ARID1B: variants seen among roughly 807,000 people sequenced by gnomAD.
ARID1B encodes AT-rich interactive domain-containing protein 1B.
In ARID1B, 30 loss-of-function variants were observed where a neutral mutation model predicts 212.3. The observed-to-expected ratio is 0.14, with a 90% confidence interval of 0.11 to 0.19. The LOEUF is 0.19. Ranked by LOEUF, ARID1B falls within the 10% of genes least tolerant of loss-of-function variation. The pLI is 1.00. For synonymous variants in ARID1B, 1,402 were observed against 1,301.7 expected (o/e 1.08, Z -1.66); for missense variants, 2,891 against 3,204.0 (o/e 0.90, Z 2.36).
At chr6:157,020,409 T>C (rs1780152131) in intron 4 of ARID1B, among the ~76,000 whole-genome samples, 1 of 152,204 alleles carries the variant, frequency 6.6e-6, no homozygotes, top group African/African-American at 2.4e-5. Flanking sequence ...TGCGATAATA[T>C]ATAACTACAT....
At chr6:156,974,741 C>T (rs1160455915) in intron 4 of ARID1B, among the ~76,000 whole-genome samples, 1 of 152,178 alleles carries the variant, frequency 6.6e-6, no homozygotes, top group African/African-American at 2.4e-5. Context: ...TTAGCTGCTA[C>T]TAAAATATAT....
intron 6 of ARID1B, among the ~76,000 whole-genome samples, chr6:157,123,198 GTC>G (rs377283771): frequency 2.8e-4 from 41 of 146,704 alleles, no homozygotes; most frequent in South Asian, 6.9e-4. Context: ...CTCTGTCTCT[GTC>G]TCTCTCTCAA....
intron 2 of ARID1B, among the ~76,000 whole-genome samples, chr6:156,859,717 G>C (rs971884147): frequency 6.6e-6 from 1 of 152,176 alleles, no homozygotes; most frequent in African/African-American, 2.4e-5. Context: ...GCAAAACATG[G>C]TTTTTTGCAT....
At chr6:156,880,423 T>C (rs893492676) in intron 2 of ARID1B, among the ~76,000 whole-genome samples, 2 of 152,178 alleles carry the variant, frequency 1.3e-5, no homozygotes, top group Admixed American at 6.5e-5. Context: ...TTTAGATTTA[T>C]TGTGTAAGTT....
chr6:156,842,820 G>A lies in ARID1B; in HGVS notation c.1986+13399G>A, dbSNP rs144378365. Among the ~76,000 whole-genome samples the A allele has an allele frequency of 1.2e-4, 18 of 152,188 alleles. No individual in the cohort carries two copies. The East Asian group carries it at 2.1e-3, about 18-fold the overall frequency. On this transcript the variant is annotated intron_variant, in intron 2 of 19. Transcript: ENST00000636930. ...TCATATATCATTTCCTATAATTCTC[G>A]CCAAATCCATGAGGTAAGTAATACT...
chr6:156,928,039 C>CTT (rs1428785137), intron 3 of ARID1B, among the ~76,000 whole-genome samples: 1 of 152,132 alleles, frequency 6.6e-6, no homozygotes, highest in Non-Finnish European at 1.5e-5. Flanking sequence ...AGGGCATCCA[C>CTT]TTGGACTGGC....
chr6:157,025,193 T>C (rs138523442), intron 4 of ARID1B, among the ~76,000 whole-genome samples: 6 of 152,310 alleles, frequency 3.9e-5, no homozygotes, highest in African/African-American at 1.4e-4. Context: ...AATTATCAAA[T>C]GTAAAATTTA....
At position 156,901,429 on chromosome 6, in the gene ARID1B, A is replaced by G; in HGVS notation, c.2040A>G (p.Gln680=). ...TGAGTGGTTACTGCCAGCAGGGCCA[A>G]CAGCCATATTACAGCCAGCAGCCGC... ...QGVSGYCQQG[Q]QPYYSQQPQP... is the part of the protein sequence containing the mutation. Residue 680 remains glutamine (Q), a synonymous_variant, in exon 3 of 20, where the codon CAA becomes CAG. Transcript: ENST00000636930. 1 of 1,613,868 alleles carries G rather than the reference A, an allele frequency of 6.2e-7. No individual in the cohort carries two copies. Among genetic ancestry groups the G allele is most frequent in the Non-Finnish European group, 8.5e-7 (1 of 1,179,942 alleles).
intron 2 of ARID1B, among the ~76,000 whole-genome samples, chr6:156,842,280 C>A (rs561844252): frequency 6.6e-6 from 1 of 152,142 alleles, no homozygotes; most frequent in Non-Finnish European, 1.5e-5. Flanking sequence ...CTCTGTTGTC[C>A]CTCTTCCCCC....
intron 5 of ARID1B, among the ~76,000 whole-genome samples, chr6:157,104,115 G>A (rs917133625): frequency 3.9e-5 from 6 of 151,900 alleles, no homozygotes; most frequent in African/African-American, 1.2e-4. Context: ...GATTATAGGC[G>A]TAAGCCACCA....
intron 2 of ARID1B, among the ~76,000 whole-genome samples, chr6:156,835,004 G>A (rs1783403521): frequency 6.9e-6 from 1 of 145,546 alleles, no homozygotes; most frequent in Non-Finnish European, 1.5e-5. Flanking sequence ...GGAGGCTGAG[G>A]TGGGCGGACC....
At chr6:156,990,645 G>A (rs903826808) in intron 4 of ARID1B, among the ~76,000 whole-genome samples, 2 of 151,758 alleles carry the variant, frequency 1.3e-5, no homozygotes, top group African/African-American at 2.4e-5. Context: ...GTCTCAAAAC[G>A]AACAAACAAA....
rs140146116 is a variant in ARID1B at position 157,202,850 on chromosome 6, T to C, written c.5264-1016T>C. ...CACAGACACTGAGCACCATTTTATATATAGAAATATATACACACACACACA... is the reference window on the plus strand; with the variant it reads ...CACAGACACTGAGCACCATTTTATACATAGAAATATATACACACACACACA... On this transcript the variant is annotated intron_variant, in intron 18 of 19. Transcript: ENST00000636930. Among the ~76,000 whole-genome samples the C allele has an allele frequency of 7.1e-3, 1,074 of 151,036 alleles. 15 individuals are homozygous for C. Among genetic ancestry groups the C allele is most frequent in the African/African-American group, 0.025 (1,021 of 40,666 alleles).
rs1395961718 is a variant in ARID1B, at chr6:157,039,728, T to C, written c.2248-44934T>C. On this transcript the variant is annotated intron_variant, in intron 4 of 19. Coordinates refer to ENST00000636930, the MANE Select transcript of ARID1B (RefSeq NM_001374828.1). ...TTCCTTTCTTTCCTTCCTTTCTTTC[T>C]TTCCCTCCCTCCCTCCCTTCCTTCC... 1.0e-3 allele frequency among the ~76,000 whole-genome samples: 93 copies of C among 89,362 alleles called. 1 individual carries two copies. Among genetic ancestry groups the C allele is most frequent in the African/African-American group, 3.4e-3 (77 of 22,584 alleles). The allele number at this position is 89,362 out of a possible 152,430, so 58.6% of individuals were successfully genotyped here. A position where few individuals can be genotyped will look rare whatever the true frequency, so the allele number is the denominator to read the frequency against.
At chr6:157,036,952 G>C in intron 4 of ARID1B, 2 of 427,756 alleles carry the variant, frequency 4.7e-6, no homozygotes, top group African/African-American at 2.1e-5. Flanking sequence ...TCAACAGAGG[G>C]GACTTATTTT....
intron 8 of ARID1B, chr6:157,151,782 A>G (rs1172843847): frequency 6.6e-6 from 1 of 152,238 alleles, no homozygotes; most frequent in Non-Finnish European, 1.5e-5. Context: ...CAAACAGGGA[A>G]CTATCACCTA....
chr6:157,021,497 G>A (rs369619163), intron 4 of ARID1B, among the ~76,000 whole-genome samples: 22 of 152,180 alleles, frequency 1.4e-4, no homozygotes, highest in South Asian at 1.2e-3. Context: ...GGCCCGACCC[G>A]GGCGGGGGTT....
At chr6:156,959,646 A>G (rs1029870985) in intron 4 of ARID1B, among the ~76,000 whole-genome samples, 1 of 152,192 alleles carries the variant, frequency 6.6e-6, no homozygotes, top group Non-Finnish European at 1.5e-5. Context: ...TTTTATGAGA[A>G]GTCTTCAGAA....
intron 8 of ARID1B, among the ~76,000 whole-genome samples, chr6:157,154,481 A>T (rs1790416232): frequency 1.3e-5 from 2 of 151,396 alleles, no homozygotes; most frequent in South Asian, 4.1e-4. Context: ...GGTGGAGTCA[A>T]CAAAGACCTA....
Sources: gnomAD v4.1 joint callset for allele counts (sites outside exome capture counted in the v4.1 genomes callset) on GRCh38, gnomAD v4.1.1 for gene constraint, MANE v1.5 for transcripts, NCBI Gene and HGNC (gene_info 2026-07-23, HGNC 2026-07-21) for gene names.